The following LAMA5 variants were observed in gnomAD, a reference collection of about 807,000 sequenced individuals.
LAMA5 encodes the protein laminin subunit alpha-5.
In LAMA5, 260 loss-of-function variants were observed where a neutral mutation model predicts 433.4. That is an observed-to-expected ratio of 0.60 (90% confidence interval 0.54 to 0.66). The LOEUF (loss-of-function observed/expected upper bound fraction) is 0.66. Ranked by LOEUF, LAMA5 falls within the 30% of genes least tolerant of loss-of-function variation. The pLI, the probability that LAMA5 is intolerant of heterozygous loss-of-function variation, is 0.00. For synonymous variants in LAMA5, 2,620 were observed against 2,226.6 expected (o/e 1.18, Z -4.97); for missense variants, 5,378 against 5,258.5 (o/e 1.02, Z -0.70).
At position 62,322,379 on chromosome 20, in the gene LAMA5, G is replaced by C. The variant is rs1418983521; in HGVS notation, c.6236C>G (p.Ser2079Cys). The C allele has an allele frequency of 6.3e-7, 1 of 1,592,212 alleles. No homozygotes were observed. The highest frequency in any genetic ancestry group is 1.8e-5 in the Admixed American group (1 of 56,580). Residue 2079 changes from serine (S) to cysteine (C), a missense_variant, in exon 47 of 80, where the codon TCC (serine) becomes TGC (cysteine). By Grantham distance (112) the Ser-to-Cys change is moderately radical (BLOSUM62 -1). Coordinates refer to ENST00000252999, the MANE Select transcript of LAMA5 (RefSeq NM_005560.6). ...CTGTCCGCTCTGGGGGTGGCACTCG[G>C]AGCCCTCGGCGGCCGGTCCACAAGC... ...PCACGPAAEG[S>C]ECHPQSGQCH...
chr20:62,342,503 C>T (rs1380819493), intron 11 of LAMA5, among the ~76,000 whole-genome samples: 9 of 151,564 alleles, frequency 5.9e-5, no homozygotes, highest in Non-Finnish European at 1.2e-4. Context: ...ACGGTGAAAC[C>T]CCATCTCTAC....
intron 1 of LAMA5, among the ~76,000 whole-genome samples, chr20:62,366,643 C>G (rs1021708418): frequency 6.6e-6 from 1 of 152,216 alleles, no homozygotes; most frequent in African/African-American, 2.4e-5. Flanking sequence ...GGATCCCGGA[C>G]TTGGGGCCGC....
Position 62,359,566 on chromosome 20 carries a change from G to C in LAMA5, c.450+2834C>G, listed in dbSNP as rs1985729067. Among the ~76,000 whole-genome samples the C allele has an allele frequency of 6.6e-6, 1 of 152,110 alleles. No individual in the cohort carries two copies. Among genetic ancestry groups the C allele is most frequent in the Admixed American group, 6.5e-5 (1 of 15,278 alleles). On this transcript the variant is annotated intron_variant, in intron 2 of 79. Transcript: ENST00000252999. The surrounding 1 kb of genome is among the most constrained non-coding windows in gnomAD (Gnocchi z 4.3). Reference sequence around the variant, plus strand: ...GGCCGCTCAGTTCCAGAAGCTTCCGGAGGATGCAAGGAGATACGCAAGAAC... The same window carrying C: ...GGCCGCTCAGTTCCAGAAGCTTCCGCAGGATGCAAGGAGATACGCAAGAAC...
intron 48 of LAMA5, among the ~76,000 whole-genome samples, chr20:62,321,517 G>GGGTAGGGT: frequency 1.1e-5 from 1 of 87,036 alleles, no homozygotes; most frequent in Non-Finnish European, 2.2e-5. Context: ...GTCAGTGGAG[G>GGGTAGGGT]CAGGGTCAGT....
rs774545932 is a variant in LAMA5, at chr20:62,330,740, C to T, written c.3852+3G>A. 7 of 1,558,680 alleles carry T rather than the reference C, an allele frequency of 4.5e-6. No individual in the cohort carries two copies. In the East Asian group the frequency reaches 1.7e-4, roughly 37 times the overall value. ...CCGTCCCTCTAGAGACTATGGCCCT[C>T]ACCTGGGGCTCACGCAGCAGGGTGG... On this transcript the variant is annotated splice_donor_region_variant and intron_variant, in intron 30 of 79. Coordinates refer to ENST00000252999, the MANE Select transcript of LAMA5 (RefSeq NM_005560.6).
In LAMA5 at chr20:62,328,373, G is replaced by T. The variant is rs1413505219; in HGVS notation, c.4520C>A (p.Pro1507His). 2.5e-6 allele frequency: 4 copies of T among 1,578,932 alleles called. No homozygotes were observed. The highest frequency in any genetic ancestry group is 3.4e-6 in the Non-Finnish European group (4 of 1,162,196). ...QCICPPRTIP[P>H]DCLLCQPQTF... ...CTGGGGCTGGCACAGCAGGCAGTCGGGCGGGATGGTGCGTGGCGGGCAGAT... is the reference window on the plus strand; with the variant it reads ...CTGGGGCTGGCACAGCAGGCAGTCGTGCGGGATGGTGCGTGGCGGGCAGAT... Residue 1507 changes from proline (P) to histidine (H), a missense_variant, in exon 35 of 80, where the codon CCC (proline) becomes CAC (histidine). Coordinates refer to ENST00000252999, the MANE Select transcript of LAMA5 (RefSeq NM_005560.6).
Position 62,320,585 on chromosome 20 carries a change from GC to G in LAMA5, c.6732del (p.Gln2245ArgfsTer6). On this transcript the variant is annotated frameshift_variant, in exon 50 of 80. Transcript: ENST00000252999. LOFTEE classifies it high-confidence loss of function. ...EVLEQQSTSLGQDARRLGGQA... is the reference protein window; with the variant it reads ...EVLEQQSTSLXQDARRLGGQA... ...TGGCCGCCTAGCCGCCGTGCGTCCTGCCCGAGGCTTGTGCTCTGCTGCTCCA... is the reference window on the plus strand; with the variant it reads ...TGGCCGCCTAGCCGCCGTGCGTCCTGCCGAGGCTTGTGCTCTGCTGCTCCA... 1.2e-6 allele frequency: 2 copies of G among 1,603,014 alleles called. No individual in the cohort carries two copies. Among genetic ancestry groups the G allele is most frequent in the Admixed American group, 1.7e-5 (1 of 59,402 alleles).
chr20:62,311,030 G>C lies in LAMA5; in HGVS notation c.10153C>G (p.Leu3385Val), dbSNP rs765626738. The C allele has an allele frequency of 4.3e-6, 7 of 1,609,276 alleles. No individual in the cohort carries two copies. Among genetic ancestry groups the C allele is most frequent in the Non-Finnish European group, 5.9e-6 (7 of 1,178,262 alleles). The stretch of plus-strand genomic sequence containing the variant: ...GCCAGGGAGGGGCTGCCGGGCCTCA[G>C]ACGGGCAGTGAAGAGGAGGAGGCCT... ...SRGLLLFTAR[L>V]RPGSPSLALF... The change falls in exon 74 of 80, where the codon CTG (leucine) becomes GTG (valine). Residue 3385 changes from leucine to valine, a missense_variant. Leu to Val is a conservative substitution (Grantham distance 32). Transcript: ENST00000252999.
intron 54 of LAMA5, 44 bp from the exon 55 acceptor site, chr20:62,317,543 C>T (rs1328326871): frequency 1.3e-6 from 2 of 1,526,144 alleles, no homozygotes; most frequent in Admixed American, 4.0e-5. Flanking sequence ...CTCACAGCCA[C>T]CTGATCCACG....
intron 2 of LAMA5, among the ~76,000 whole-genome samples, chr20:62,357,660 G>T (rs1018394054): frequency 6.6e-6 from 1 of 152,220 alleles, no homozygotes; most frequent in African/African-American, 2.4e-5. Context: ...CAAGCCCACC[G>T]CTGGGAAGAA....
chr20:62,348,263 G>A (rs1006575967), intron 6 of LAMA5, among the ~76,000 whole-genome samples: 4 of 152,194 alleles, frequency 2.6e-5, no homozygotes, highest in African/African-American at 9.6e-5. Flanking sequence ...ACAAAATGGA[G>A]TAATCTAGTA....
At position 62,332,478 on chromosome 20, in the gene LAMA5, G is replaced by C. The variant is rs565657313; in HGVS notation, c.3446C>G (p.Thr1149Ser). The change falls in exon 28 of 80, where the codon ACC becomes AGC. Residue 1149 changes from threonine to serine, a missense_variant and splice_region_variant. Transcript: ENST00000252999. The stretch of plus-strand genomic sequence containing the variant: ...ATCCCGGGCAGTGCCCCGGCACAGG[G>C]TGCTGTGGGGGGAGGGTGGTCAGCA... ...LLSLHPCLYS[T>S]LCRGTARDTQ... 1 of 1,612,204 alleles carries C rather than the reference G, an allele frequency of 6.2e-7. No individual in the cohort carries two copies. The highest frequency in any genetic ancestry group is 2.2e-5 in the East Asian group (1 of 44,874).
At chr20:62,349,202 C>A (rs669847) in intron 6 of LAMA5, among the ~76,000 whole-genome samples, 5 of 144,142 alleles carry the variant, frequency 3.5e-5, no homozygotes, top group South Asian at 2.2e-4. Context: ...ACCCGGGAGG[C>A]GGAGCTTGCA....
chr20:62,357,515 G>C (rs758060633), intron 2 of LAMA5, among the ~76,000 whole-genome samples: 4 of 152,192 alleles, frequency 2.6e-5, no homozygotes, highest in Non-Finnish European at 5.9e-5. Flanking sequence ...GGCGGCAGCC[G>C]GGAGCATCTC....
chr20:62,344,930 G>A (rs112307536), intron 11 of LAMA5, among the ~76,000 whole-genome samples: 10 of 152,304 alleles, frequency 6.6e-5, no homozygotes, highest in East Asian at 1.9e-4. Flanking sequence ...GGTGCAGAGC[G>A]CATGACGAAG....
intron 11 of LAMA5, among the ~76,000 whole-genome samples, chr20:62,343,218 C>T (rs1384330466): frequency 6.6e-6 from 1 of 152,148 alleles, no homozygotes. Context: ...ACCGTCTGGG[C>T]CTTTTCCGAC....
In LAMA5 at chr20:62,345,823, A is replaced by G. The variant is rs1331367936; in HGVS notation, c.1472T>C (p.Ile491Thr). 15 of 1,550,966 alleles carry G rather than the reference A, an allele frequency of 9.7e-6. No individual in the cohort carries two copies. Among genetic ancestry groups the G allele is most frequent in the Non-Finnish European group, 1.3e-5 (15 of 1,147,118 alleles). The stretch of plus-strand genomic sequence containing the variant: ...GGGGCCTCAAGGACACTTACTCACA[A>G]TCTGGCCGGCTGGCAGCACCTGCTC... ...TREQVLPAGQ[I>T]VNCDCSAAGT... is the part of the protein sequence containing the mutation. Residue 491 changes from isoleucine to threonine, a missense_variant, in exon 11 of 80, where the codon ATT (isoleucine) becomes ACT (threonine). Physicochemically the swap from Ile to Thr is moderately conservative, Grantham distance 89 (BLOSUM62 -1). Coordinates refer to ENST00000252999, the MANE Select transcript of LAMA5 (RefSeq NM_005560.6).
chr20:62,330,027 G>A (rs370244871), intron 31 of LAMA5, 111 bp from the exon 32 acceptor site: 46 of 1,432,562 alleles, frequency 3.2e-5, no homozygotes, highest in East Asian at 7.4e-5. Context: ...GCTGGCCAAC[G>A]GCCACAGGCA....
chr20:62,319,716 G>A lies in LAMA5; in HGVS notation c.6839C>T (p.Ala2280Val), dbSNP rs1008018137. ...GGTGCGGTCCACAGCCCGGATGGCCGCCAACAGCGTCTTCGCATGGCCCAG... is the reference window on the plus strand; with the variant it reads ...GGTGCGGTCCACAGCCCGGATGGCCACCAACAGCGTCTTCGCATGGCCCAG... Reference protein sequence around the residue: ...ATLGHAKTLLAAIRAVDRTLS... With the variant: ...ATLGHAKTLLVAIRAVDRTLS... Residue 2280 changes from alanine (A) to valine (V), a missense_variant, in exon 51 of 80, where the codon GCG (alanine) becomes GTG (valine). Physicochemically the swap from Ala to Val is moderately conservative, Grantham distance 64. Transcript: ENST00000252999. 2.5e-5 allele frequency: 39 copies of A among 1,546,550 alleles called. No homozygotes were observed. The highest frequency in any genetic ancestry group is 3.9e-5 in the Admixed American group (2 of 51,186).
Sources: allele counts gnomAD v4.1 joint callset (sites outside exome capture counted in the v4.1 genomes callset), GRCh38; gene constraint gnomAD v4.1.1; non-coding constraint Gnocchi (gnomAD v3.1); transcripts MANE v1.5; gene names NCBI Gene and HGNC (gene_info 2026-07-23, HGNC 2026-07-21).